FARP1: variants seen among roughly 807,000 people sequenced by gnomAD.
The protein encoded by FARP1 is FERM, ARH/RhoGEF and pleckstrin domain protein 1, also known as FERM, ARHGEF and pleckstrin domain-containing protein 1.
FARP1 carries 52 observed loss-of-function variants against 128.8 expected under a neutral mutation model. The observed-to-expected ratio is 0.40, with a 90% CI of 0.32 to 0.51. The LOEUF is 0.51. Ranked by LOEUF, FARP1 falls within the 20% of genes least tolerant of loss-of-function variation. The probability of loss-of-function intolerance (pLI) is 0.45; values close to 1 mark genes in which losing one functional copy is unlikely to be tolerated. For synonymous variants in FARP1, 580 were observed against 551.8 expected (o/e 1.05, Z -0.72); for missense variants, 1,333 against 1,367.9 (o/e 0.97, Z 0.40).
chr13:98,180,592 C>T (rs755224351), intron 1 of FARP1, among the ~76,000 whole-genome samples: 8 of 152,222 alleles, frequency 5.3e-5, no homozygotes, highest in Non-Finnish European at 8.8e-5. Flanking sequence ...TCATCTCCCT[C>T]CACAGCCTTC....
At chr13:98,305,844 T>C (rs539679576) in intron 2 of FARP1, among the ~76,000 whole-genome samples, 1 of 146,416 alleles carries the variant, frequency 6.8e-6, no homozygotes, top group Non-Finnish European at 1.5e-5. Flanking sequence ...ATTTTACTTC[T>C]TGTATTATTA....
chr13:98,286,974 C>T (rs1885199698), intron 2 of FARP1, among the ~76,000 whole-genome samples: 1 of 152,148 alleles, frequency 6.6e-6, no homozygotes, highest in Admixed American at 6.6e-5. Context: ...AACTCTCATA[C>T]TGTTTATGTA....
chr13:98,289,697 C>G (rs10467257), intron 2 of FARP1, among the ~76,000 whole-genome samples: 1 of 152,132 alleles, frequency 6.6e-6, no homozygotes, highest in Non-Finnish European at 1.5e-5. Context: ...GGACTGTGCA[C>G]TGCATGCTAT....
At chr13:98,186,189 C>T in intron 1 of FARP1, among the ~76,000 whole-genome samples, 1 of 152,134 alleles carries the variant, frequency 6.6e-6, no homozygotes, top group East Asian at 1.9e-4. Context: ...TCACCGCAAC[C>T]TCTGCCTCCC....
At chr13:98,312,054 C>T (rs1352178192) in intron 2 of FARP1, among the ~76,000 whole-genome samples, 4 of 149,160 alleles carry the variant, frequency 2.7e-5, no homozygotes, top group African/African-American at 7.4e-5. Flanking sequence ...ACCATGTTGG[C>T]CAGGCTGGTC....
chr13:98,443,574 T>A (rs1427669943), intron 24 of FARP1, among the ~76,000 whole-genome samples: 1 of 152,214 alleles, frequency 6.6e-6, no homozygotes, highest in African/African-American at 2.4e-5. Flanking sequence ...CACTCCCGTC[T>A]GACTCGTGTA....
chr13:98,305,415 T>C (rs594436), intron 2 of FARP1, among the ~76,000 whole-genome samples: 132,164 of 151,860 alleles, frequency 0.87, 57,635 homozygotes, highest in East Asian at 1. Flanking sequence ...GCAGCCTCCA[T>C]CTCCACCTCC....
chr13:98,258,961 A>G (rs1257262675), intron 2 of FARP1, among the ~76,000 whole-genome samples: 1 of 152,218 alleles, frequency 6.6e-6, no homozygotes, highest in South Asian at 2.1e-4. Context: ...TAATCCCAGC[A>G]CTTTGGGAGG....
chr13:98,244,843 C>A, intron 2 of FARP1: 1 of 1,459,794 alleles, frequency 6.9e-7, no homozygotes, highest in South Asian at 1.5e-5. Context: ...GGAGTAGATA[C>A]AGATGTGATC....
chr13:98,321,220 C>A (rs1886979193), intron 2 of FARP1, among the ~76,000 whole-genome samples: 1 of 143,158 alleles, frequency 7.0e-6, no homozygotes. Context: ...CCCACTCTCT[C>A]TTTTCGCTTG....
At chr13:98,163,763 C>T (rs1008606741) in intron 1 of FARP1, among the ~76,000 whole-genome samples, 2 of 151,072 alleles carry the variant, frequency 1.3e-5, no homozygotes, top group African/African-American at 2.4e-5. Flanking sequence ...GGCTGGAGTG[C>T]AGTGGCGCGA....
In FARP1 at chr13:98,334,712, A is replaced by T. The variant is rs1332032471; in HGVS notation, c.172-9050A>T. 2.0e-5 allele frequency among the ~76,000 whole-genome samples: 3 copies of T among 152,220 alleles called. No individual in the cohort carries two copies. In the East Asian group the frequency reaches 5.8e-4, roughly 29 times the overall value. ...ACACTAATTAAGGTAAAATGAGGTC[A>T]TGAAGATGGAGCTCTGATCTGATAG... On this transcript the variant is annotated intron_variant, in intron 2 of 26. Coordinates refer to ENST00000319562, the MANE Select transcript of FARP1 (RefSeq NM_005766.4).
intron 1 of FARP1, among the ~76,000 whole-genome samples, chr13:98,183,745 G>C (rs1436176658): frequency 6.6e-6 from 1 of 152,176 alleles, no homozygotes; most frequent in Non-Finnish European, 1.5e-5. Context: ...CTGGAAGGCA[G>C]GGGTGGGGAG....
At chr13:98,394,530 G>C (rs1460254552) in intron 12 of FARP1, among the ~76,000 whole-genome samples, 1 of 152,214 alleles carries the variant, frequency 6.6e-6, no homozygotes, top group Non-Finnish European at 1.5e-5. Flanking sequence ...AGCAGGACGT[G>C]GTGGCTGGCG....
At chr13:98,225,645 A>C (rs1248564963) in intron 2 of FARP1, among the ~76,000 whole-genome samples, 1 of 152,184 alleles carries the variant, frequency 6.6e-6, no homozygotes, top group African/African-American at 2.4e-5. Context: ...TCTTAGAAAA[A>C]TAAAGTTCTG....
At chr13:98,377,781 G>GC (rs1889655299) in intron 5 of FARP1, 40 bp from the exon 6 acceptor site, 1 of 1,495,572 alleles carries the variant, frequency 6.7e-7, no homozygotes, top group Admixed American at 1.7e-5. Flanking sequence ...GTGACCTCCT[G>GC]CCCTCTTTGC....
chr13:98,186,396 C>A (rs371025749), intron 1 of FARP1, among the ~76,000 whole-genome samples: 3 of 152,288 alleles, frequency 2.0e-5, no homozygotes, highest in East Asian at 3.9e-4. Context: ...ATGTGAGCCA[C>A]CGCGCCTGGC....
intron 13 of FARP1, chr13:98,396,256 G>A (rs944995107): frequency 5.5e-5 from 22 of 399,086 alleles, no homozygotes; most frequent in Middle Eastern, 1.2e-3. Flanking sequence ...GTGTGCCAGA[G>A]GCATGGCGGG....
intron 1 of FARP1, among the ~76,000 whole-genome samples, chr13:98,170,452 G>C (rs1426758305): frequency 6.6e-6 from 1 of 152,198 alleles, no homozygotes; most frequent in Non-Finnish European, 1.5e-5. Context: ...CACCTCCCGG[G>C]TTCAAGCAAT....
Sources: gnomAD v4.1 joint callset for allele counts (sites outside exome capture counted in the v4.1 genomes callset) on GRCh38, gnomAD v4.1.1 for gene constraint, MANE v1.5 for transcripts, NCBI Gene and HGNC (gene_info 2026-07-23, HGNC 2026-07-21) for gene names.